The following ZNF626 variants were observed in gnomAD, a reference collection of about 807,000 sequenced individuals.
The protein encoded by ZNF626 is CTC-513N18.7.
A neutral mutation model predicts 11.7 loss-of-function variants in ZNF626; 4 were observed. The observed-to-expected ratio is 0.34, with a 90% CI of 0.17 to 0.78. The LOEUF (loss-of-function observed/expected upper bound fraction) is 0.78, where lower values mean the gene tolerates loss of function less well. Ranked by LOEUF, ZNF626 falls within the 30% of genes least tolerant of loss-of-function variation. The pLI is 0.57. For synonymous variants in ZNF626, 179 were observed against 198.6 expected (o/e 0.90, Z 0.83); for missense variants, 588 against 587.1 (o/e 1.00, Z -0.01).
At chr19:20,628,267 T>C (rs10413371) in intron 3 of ZNF626, among the ~76,000 whole-genome samples, 68,282 of 152,006 alleles carry the variant, frequency 0.45, 16,598 homozygotes, top group African/African-American at 0.64. Flanking sequence ...TATAGCAGCA[T>C]GATTTATAAT....
At chr19:20,653,626 C>A (rs1306769355) in intron 1 of ZNF626, among the ~76,000 whole-genome samples, 2 of 142,252 alleles carry the variant, frequency 1.4e-5, no homozygotes, top group Admixed American at 1.4e-4. Context: ...GAGACTCTGT[C>A]CCCTGCCCTC....
chr19:20,632,557 C>T (rs1389012532), intron 3 of ZNF626, among the ~76,000 whole-genome samples: 1 of 152,142 alleles, frequency 6.6e-6, no homozygotes, highest in African/African-American at 2.4e-5. Context: ...ATCGCTGATA[C>T]CCTTTCTTCC....
chr19:20,646,812 T>C (rs1015006500), intron 1 of ZNF626, among the ~76,000 whole-genome samples: 3 of 152,074 alleles, frequency 2.0e-5, no homozygotes, highest in Non-Finnish European at 2.9e-5. Context: ...AGGTTTTTTT[T>C]CCCCCAGAAG....
At chr19:20,656,270 CAT>C (rs1212777933) in intron 1 of ZNF626, among the ~76,000 whole-genome samples, 12 of 152,046 alleles carry the variant, frequency 7.9e-5, no homozygotes, top group African/African-American at 2.7e-4. Context: ...TTCATTACAC[CAT>C]ATACAAAAAT....
chr19:20,645,817 T>C (rs782375226), intron 2 of ZNF626, 38 bp from the exon 3 acceptor site: 2 of 1,526,092 alleles, frequency 1.3e-6, no homozygotes, highest in East Asian at 2.3e-5. Flanking sequence ...ATCTTGCTTA[T>C]GTTCTCCAAT....
chr19:20,642,818 G>T (rs955434989), intron 3 of ZNF626, among the ~76,000 whole-genome samples: 27 of 152,078 alleles, frequency 1.8e-4, no homozygotes, highest in African/African-American at 6.0e-4. Flanking sequence ...AGGTCAACCA[G>T]TCTGTCAACA....
intron 1 of ZNF626, among the ~76,000 whole-genome samples, chr19:20,652,637 A>G (rs1970159551): frequency 6.6e-6 from 1 of 152,204 alleles, no homozygotes; most frequent in African/African-American, 2.4e-5. Context: ...AAAGATGAAT[A>G]CAGAATTCAA....
intron 3 of ZNF626, among the ~76,000 whole-genome samples, chr19:20,626,976 C>T (rs1402848802): frequency 6.6e-6 from 1 of 152,086 alleles, no homozygotes; most frequent in Non-Finnish European, 1.5e-5. Flanking sequence ...GATGGCGCCA[C>T]TGCACTCCAG....
At position 20,625,493 on chromosome 19, in the gene ZNF626, T is replaced by A; in HGVS notation, c.384A>T (p.Glu128Asp). The change falls in exon 4 of 4, where the codon GAA becomes GAT. Residue 128 changes from glutamate (E) to aspartate (D), a missense_variant. Glu to Asp is a conservative substitution (Grantham distance 45). Around this residue, in one of 4 missense-constraint regions of ZNF626, gnomAD observed 524 missense variants for 470.1 expected, o/e 1.11. Coordinates refer to ENST00000601440, the MANE Select transcript of ZNF626 (RefSeq NM_001076675.3). ...AACATTGGTTAAGTTCATTATAACC[T>A]TCTTTGTGCACCTTACACTCATCCA... is the stretch of plus-strand genomic sequence containing the variant. ...ISVDECKVHKEGYNELNQCLT... is the reference protein window; with the variant it reads ...ISVDECKVHKDGYNELNQCLT... 6.2e-7 allele frequency: 1 copy of A among 1,614,102 alleles called. No individual in the cohort carries two copies. Among genetic ancestry groups the A allele is most frequent in the Non-Finnish European group, 8.5e-7 (1 of 1,179,996 alleles).
rs375886478 is a variant in ZNF626 at position 20,630,565 on chromosome 19, A to T, written c.227-4915T>A. Among the ~76,000 whole-genome samples, 497 of 150,550 alleles carry T rather than the reference A, an allele frequency of 3.3e-3. 3 individuals carry two copies. Among genetic ancestry groups the T allele is most frequent in the Middle Eastern group, 6.8e-3 (2 of 292 alleles). The stretch of plus-strand genomic sequence containing the variant: ...CTTCTAGATTTTCTAGTTTATTTGC[A>T]TAGAGGTGTTTATAGTATTCTCTGA... On this transcript the variant is annotated intron_variant, in intron 3 of 3. Transcript: ENST00000601440.
At chr19:20,659,340 A>G (rs1277552764) in intron 1 of ZNF626, among the ~76,000 whole-genome samples, 6 of 152,152 alleles carry the variant, frequency 3.9e-5, no homozygotes, top group Non-Finnish European at 5.9e-5. Context: ...CCATGGTTCA[A>G]GCAATTCTCC....
chr19:20,626,176 T>A (rs572620644), intron 3 of ZNF626, among the ~76,000 whole-genome samples: 1 of 152,074 alleles, frequency 6.6e-6, no homozygotes, highest in Non-Finnish European at 1.5e-5. Flanking sequence ...GGCAGAGAAC[T>A]GCTTGAACCT....
At position 20,624,135 on chromosome 19, in the gene ZNF626, A is replaced by G. The variant is rs782094067; in HGVS notation, c.*155T>C. On this transcript the variant is annotated 3_prime_UTR_variant, in exon 4 of 4. Transcript: ENST00000601440. ...CTCCAGTATGAAATCTCTTATGTGT[A>G]GTAAGTTTAGAGGAGTGCTTAAAGG... 1 of 1,224,454 alleles carries G rather than the reference A, an allele frequency of 8.2e-7. No individual in the cohort carries two copies. The highest frequency in any genetic ancestry group is 1.2e-5 in the South Asian group (1 of 82,840). The allele number at this position is 1,224,454 out of a possible 1,614,324, so 75.8% of individuals were successfully genotyped here.
intron 1 of ZNF626, among the ~76,000 whole-genome samples, chr19:20,660,429 T>C (rs1970253059): frequency 6.6e-6 from 1 of 152,062 alleles, no homozygotes. Context: ...ATGCTTACTT[T>C]TTTTTTCTTT....
In ZNF626 at chr19:20,620,421, T is replaced by C. The variant is rs2144756626; in HGVS notation, c.*3869A>G. 1 of 152,340 alleles carries C rather than the reference T, an allele frequency of 6.6e-6. No individual in the cohort carries two copies. The highest frequency in any genetic ancestry group is 2.4e-5 in the African/African-American group (1 of 41,578). 9.4% of individuals were successfully genotyped at this position (152,340 alleles called of 1,614,324 possible). ...TTTCATAATTTTCTTACACCTAAGG[T>C]TTATCTTCAGAGGAATATGTGTATA... On this transcript the variant is annotated 3_prime_UTR_variant, in exon 4 of 4. Coordinates refer to ENST00000601440, the MANE Select transcript of ZNF626 (RefSeq NM_001076675.3).
intron 1 of ZNF626, among the ~76,000 whole-genome samples, chr19:20,650,672 T>C (rs1194841671): frequency 1.3e-5 from 2 of 152,154 alleles, no homozygotes; most frequent in African/African-American, 2.4e-5. Flanking sequence ...GTGGACCCTA[T>C]GTAGAATTCT....
chr19:20,642,992 G>A (rs894790600), intron 3 of ZNF626, among the ~76,000 whole-genome samples: 6 of 146,620 alleles, frequency 4.1e-5, no homozygotes, highest in Non-Finnish European at 7.4e-5. Context: ...GTCTGGATGA[G>A]AGAGGGTAAC....
intron 3 of ZNF626, among the ~76,000 whole-genome samples, chr19:20,626,787 G>T (rs1555769803): frequency 6.6e-6 from 1 of 151,954 alleles, no homozygotes; most frequent in Non-Finnish European, 1.5e-5. Context: ...GGCCACCTTG[G>T]CCTCCTAATT....
intron 3 of ZNF626, among the ~76,000 whole-genome samples, chr19:20,626,750 C>T (rs371725994): frequency 6.6e-6 from 1 of 152,148 alleles, no homozygotes; most frequent in East Asian, 1.9e-4. Context: ...CGCAATGGCT[C>T]ATGCCTGTAA....
Sources: gnomAD v4.1 joint callset for allele counts (sites outside exome capture counted in the v4.1 genomes callset) on GRCh38, gnomAD v4.1.1 for gene constraint, gnomAD v4.1.1 regional missense constraint, MANE v1.5 for transcripts, NCBI Gene and HGNC (gene_info 2026-07-23, HGNC 2026-07-21) for gene names.